Variants in SPOCK3 observed in about 807,000 individuals in gnomAD.
SPOCK3 encodes testican-3.
In SPOCK3, 30 loss-of-function variants were observed where a neutral mutation model predicts 56.6. That is an observed-to-expected ratio of 0.53 (90% CI 0.40 to 0.72). The LOEUF is 0.72. SPOCK3 is among the 30% of genes least tolerant of loss of function. The pLI, the probability that SPOCK3 is intolerant of heterozygous loss-of-function variation, is 0.00. For missense variants in SPOCK3, 527 were observed against 530.0 expected, an observed-to-expected ratio of 0.99 and a Z score of 0.06; for synonymous variants, 196 against 183.3, an observed-to-expected ratio of 1.07 and a Z score of -0.56.
At chr4:167,202,967 ATAT>A (rs1733667309) in intron 2 of SPOCK3, among the ~76,000 whole-genome samples, 1 of 151,858 alleles carries the variant, frequency 6.6e-6, no homozygotes, top group African/African-American at 2.4e-5. Context: ...TAAAAAGTAA[ATAT>A]TATAAAATAA....
chr4:166,788,187 C>A (rs1013496144), intron 7 of SPOCK3, among the ~76,000 whole-genome samples: 1 of 151,806 alleles, frequency 6.6e-6, no homozygotes, highest in African/African-American at 2.4e-5. Flanking sequence ...ATTTAAAAAA[C>A]AAACAAACAA....
chr4:167,152,970 C>T (rs1437868218), intron 2 of SPOCK3, among the ~76,000 whole-genome samples: 1 of 151,942 alleles, frequency 6.6e-6, no homozygotes, highest in South Asian at 2.1e-4. Context: ...TAACAATTAC[C>T]CAATGTAAAG....
At chr4:167,021,382 A>AT (rs1324325377) in intron 3 of SPOCK3, among the ~76,000 whole-genome samples, 14 of 152,008 alleles carry the variant, frequency 9.2e-5, no homozygotes. Context: ...GTAAGGTAAA[A>AT]TAGATCTATT....
At chr4:166,993,155 T>A (rs920867658) in intron 4 of SPOCK3, among the ~76,000 whole-genome samples, 35 of 152,116 alleles carry the variant, frequency 2.3e-4, no homozygotes, top group African/African-American at 7.7e-4. Context: ...CTGCGAAGGA[T>A]CTCTACTCAG....
At chr4:167,165,819 C>G (rs1171199189) in intron 2 of SPOCK3, among the ~76,000 whole-genome samples, 2 of 151,892 alleles carry the variant, frequency 1.3e-5, no homozygotes, top group African/African-American at 2.4e-5. Flanking sequence ...AGGGAGTTAT[C>G]AGAGATTCAA....
intron 6 of SPOCK3, among the ~76,000 whole-genome samples, chr4:166,852,466 A>T (rs1730226777): frequency 6.6e-6 from 1 of 152,096 alleles, no homozygotes; most frequent in African/African-American, 2.4e-5. Flanking sequence ...CTTCACTAAG[A>T]GTTAAACAGA....
At chr4:167,233,863 C>G (rs1737440947) in intron 2 of SPOCK3, 122 bp downstream of exon 2, 1 of 825,826 alleles carries the variant, frequency 1.2e-6, no homozygotes, top group Non-Finnish European at 2.0e-6. Flanking sequence ...TGCGCCGCCG[C>G]GTTTCCCTAA....
chr4:166,871,214 C>A (rs562095864), intron 6 of SPOCK3, among the ~76,000 whole-genome samples: 2 of 151,770 alleles, frequency 1.3e-5, no homozygotes, highest in Admixed American at 1.3e-4. Context: ...AATAAAAAAA[C>A]AGAAGTCAAT....
At chr4:167,202,739 T>C (rs146951540) in intron 2 of SPOCK3, among the ~76,000 whole-genome samples, 1,524 of 151,288 alleles carry the variant, frequency 0.01, 21 homozygotes, top group African/African-American at 0.035. Context: ...GTTCCCAAAA[T>C]AAACTTATGT....
At chr4:167,179,528 C>G (rs766496231) in intron 2 of SPOCK3, among the ~76,000 whole-genome samples, 3 of 152,064 alleles carry the variant, frequency 2.0e-5, no homozygotes, top group Non-Finnish European at 4.4e-5. Flanking sequence ...AATCAAGTAA[C>G]TTTTATTCAT....
chr4:167,034,947 A>T (rs528908196), intron 3 of SPOCK3, among the ~76,000 whole-genome samples: 1 of 152,274 alleles, frequency 6.6e-6, no homozygotes, highest in African/African-American at 2.4e-5. Context: ...GTGTTCAAGT[A>T]TATTCTGAGT....
At chr4:166,925,146 A>C (rs1325563907) in intron 4 of SPOCK3, among the ~76,000 whole-genome samples, 3 of 152,154 alleles carry the variant, frequency 2.0e-5, no homozygotes, top group Non-Finnish European at 4.4e-5. Flanking sequence ...GCAATACATA[A>C]GCAAGTAGCC....
intron 9 of SPOCK3, 130 bp downstream of exon 9, chr4:166,741,867 G>T (rs1734876779): frequency 4.4e-6 from 3 of 675,126 alleles, no homozygotes; most frequent in South Asian, 3.8e-5. Context: ...CTTTCAAAAA[G>T]TTCATAAATT....
chr4:167,214,634 T>TA (rs1735189671), intron 2 of SPOCK3, among the ~76,000 whole-genome samples: 1 of 152,122 alleles, frequency 6.6e-6, no homozygotes, highest in African/African-American at 2.4e-5. Flanking sequence ...CCAGGAAAAA[T>TA]AAAGTCTATA....
chr4:167,000,568 T>A, intron 3 of SPOCK3, 105 bp from the exon 4 acceptor site: 1 of 573,784 alleles, frequency 1.7e-6, no homozygotes. Context: ...TGCTTAATTG[T>A]AAACTTTCTT....
intron 2 of SPOCK3, among the ~76,000 whole-genome samples, chr4:167,186,101 A>G (rs1373896117): frequency 1.3e-5 from 2 of 152,190 alleles, no homozygotes; most frequent in Admixed American, 1.3e-4. Flanking sequence ...AGACTCCCAT[A>G]GTATGTAGAG....
intron 6 of SPOCK3, among the ~76,000 whole-genome samples, chr4:166,872,489 T>C: frequency 6.6e-6 from 1 of 152,114 alleles, no homozygotes; most frequent in South Asian, 2.1e-4. Context: ...TACAAAAACC[T>C]GTACATGGAT....
chr4:167,084,930 G>GT (rs1013218094), intron 2 of SPOCK3, among the ~76,000 whole-genome samples: 2 of 152,020 alleles, frequency 1.3e-5, no homozygotes, highest in Non-Finnish European at 2.9e-5. Flanking sequence ...TGGAAATTCA[G>GT]TTTGACAGTG....
At position 167,233,978 on chromosome 4, in the gene SPOCK3, A is replaced by C; in HGVS notation, c.189+7T>G. ...TGTGCCCGGGGATGTGGGTGCGCGG[A>C]ACTTACGTCTCGGAATTTGTTCCAC... On this transcript the variant is annotated splice_region_variant and intron_variant, in intron 2 of 10. Coordinates refer to ENST00000357545, the MANE Select transcript of SPOCK3 (RefSeq NM_001040159.2). 6.2e-7 allele frequency: 1 copy of C among 1,611,962 alleles called. No homozygotes were observed. The highest frequency in any genetic ancestry group is 1.1e-5 in the South Asian group (1 of 91,022).
Sources: allele counts gnomAD v4.1 joint callset (sites outside exome capture counted in the v4.1 genomes callset), GRCh38; gene constraint gnomAD v4.1.1; transcripts MANE v1.5; gene names NCBI Gene and HGNC (gene_info 2026-07-23, HGNC 2026-07-21).